The following RBM19 variants were observed in gnomAD, a reference collection of about 807,000 sequenced individuals.
The protein encoded by RBM19 is probable RNA-binding protein 19.
Under a neutral mutation model 116.8 loss-of-function variants are expected in RBM19, and 94 were observed. The observed-to-expected ratio is 0.80, with a 90% CI of 0.68 to 0.95. RBM19 has a LOEUF of 0.95. Among genes scored for constraint, RBM19 ranks in the 40% least tolerant of loss-of-function variants. The pLI is 0.00. For missense variants in RBM19, 1,161 were observed against 1,220.7 expected, an observed-to-expected ratio of 0.95 and a Z score of 0.73; for synonymous variants, 475 against 494.1, an observed-to-expected ratio of 0.96 and a Z score of 0.51.
Position 113,884,112 on chromosome 12 carries a change from C to CAAAAAAAAAAA in RBM19, c.2559-25227_2559-25217dup, listed in dbSNP as rs1273858250. ...CAACATAGGGATACTCCATCTCTACCAAAAAAAAAAAAAAACAAAAAACTC... is the reference window on the plus strand; with the variant it reads ...CAACATAGGGATACTCCATCTCTACCAAAAAAAAAAAAAAAAAAAAAAAAAACAAAAAACTC... On this transcript the variant is annotated intron_variant, in intron 21 of 23. Coordinates refer to ENST00000261741, the MANE Select transcript of RBM19 (RefSeq NM_016196.4). Among the ~76,000 whole-genome samples the CAAAAAAAAAAA allele has an allele frequency of 5.5e-3, 395 of 71,790 alleles. 5 individuals are homozygous for CAAAAAAAAAAA. The highest frequency in any genetic ancestry group is 0.026 in the East Asian group (64 of 2,452). The allele number at this position is 71,790 out of a possible 152,430, so 47.1% of individuals were successfully genotyped here.
chr12:113,906,418 T>C (rs183727785), intron 21 of RBM19, among the ~76,000 whole-genome samples: 1 of 152,232 alleles, frequency 6.6e-6, no homozygotes, highest in Non-Finnish European at 1.5e-5. Flanking sequence ...AACACTAATA[T>C]ATGTTTTTCG....
At chr12:113,961,286 A>C (rs996818537) in intron 2 of RBM19, among the ~76,000 whole-genome samples, 1 of 152,114 alleles carries the variant, frequency 6.6e-6, no homozygotes, top group Non-Finnish European at 1.5e-5. Flanking sequence ...TCAGCCTCCC[A>C]AAGTGCTTGT....
At chr12:113,869,548 C>T (rs993082850) in intron 21 of RBM19, among the ~76,000 whole-genome samples, 1 of 152,202 alleles carries the variant, frequency 6.6e-6, no homozygotes, top group Non-Finnish European at 1.5e-5. Flanking sequence ...TCAGCTGCCT[C>T]AAGTACAGCT....
Position 113,886,459 on chromosome 12 carries a change from A to G in RBM19, c.2559-27563T>C, listed in dbSNP as rs529746214. Among the ~76,000 whole-genome samples the G allele has an allele frequency of 6.5e-4, 99 of 152,248 alleles. No individual in the cohort carries two copies. The Middle Eastern group carries it at 0.014, about 21-fold the overall frequency. On this transcript the variant is annotated intron_variant, in intron 21 of 23. Transcript: ENST00000261741. ...GCTTTGCCATTTTAACCAGTGACAG[A>G]CCCAGGCCCGTTAAGATAGATGCAG...
chr12:113,886,079 G>A (rs1880495528), intron 21 of RBM19, among the ~76,000 whole-genome samples: 1 of 151,790 alleles, frequency 6.6e-6, no homozygotes, highest in Admixed American at 6.6e-5. Context: ...CACCATGTTA[G>A]CCAGGATGGT....
downstream of RBM19, among the ~76,000 whole-genome samples, chr12:113,819,047 T>C (rs967489313): frequency 6.6e-6 from 1 of 152,234 alleles, no homozygotes; most frequent in African/African-American, 2.4e-5. Flanking sequence ...TAGTGCCCAC[T>C]GCTGGCCAAA....
intron 21 of RBM19, among the ~76,000 whole-genome samples, chr12:113,897,677 A>C (rs963509154): frequency 6.6e-5 from 10 of 151,964 alleles, no homozygotes; most frequent in Admixed American, 2.0e-4. Flanking sequence ...AATCTGATAG[A>C]CTCTCAGGGC....
At chr12:113,966,025 G>C (rs1872838289) in intron 1 of RBM19, 167 bp downstream of exon 1, 1 of 717,352 alleles carries the variant, frequency 1.4e-6, no homozygotes, top group Non-Finnish European at 2.3e-6. Flanking sequence ...TCTTTCCTCG[G>C]GATCAAATGG....
intron 17 of RBM19, among the ~76,000 whole-genome samples, chr12:113,925,571 C>T (rs780462241): frequency 2.6e-5 from 4 of 152,212 alleles, no homozygotes; most frequent in Non-Finnish European, 5.9e-5. Flanking sequence ...GATCGCTACG[C>T]ATGGCTCTCC....
At chr12:113,902,466 G>A (rs1881757578) in intron 21 of RBM19, among the ~76,000 whole-genome samples, 1 of 152,114 alleles carries the variant, frequency 6.6e-6, no homozygotes, top group South Asian at 2.1e-4. Context: ...GGGCGTGGAA[G>A]TGCATGCCTG....
chr12:113,830,070 C>G (rs1565960151), intron 23 of RBM19, among the ~76,000 whole-genome samples: 3 of 152,196 alleles, frequency 2.0e-5, no homozygotes, highest in Admixed American at 1.3e-4. Context: ...GTCACACTTT[C>G]CAAGCAGGAC....
chr12:113,885,031 A>G (rs1220087934), intron 21 of RBM19, among the ~76,000 whole-genome samples: 1 of 152,218 alleles, frequency 6.6e-6, no homozygotes, highest in African/African-American at 2.4e-5. Context: ...GAATTACACA[A>G]TCATCAGTTG....
At chr12:113,934,538 G>A (rs974700835) in intron 16 of RBM19, among the ~76,000 whole-genome samples, 1 of 152,224 alleles carries the variant, frequency 6.6e-6, no homozygotes, top group Non-Finnish European at 1.5e-5. Context: ...AGCCACTGGG[G>A]CACGTTCATG....
intron 21 of RBM19, among the ~76,000 whole-genome samples, chr12:113,868,652 C>G (rs1458243104): frequency 6.6e-6 from 1 of 152,176 alleles, no homozygotes; most frequent in African/African-American, 2.4e-5. Context: ...TAGCATCTCT[C>G]AGGACACTGG....
At chr12:113,838,526 C>T (rs1160509515) in intron 23 of RBM19, among the ~76,000 whole-genome samples, 5 of 152,202 alleles carry the variant, frequency 3.3e-5, no homozygotes, top group African/African-American at 1.2e-4. Flanking sequence ...ACACAAACTG[C>T]ACACAGACAG....
intron 21 of RBM19, among the ~76,000 whole-genome samples, chr12:113,870,355 A>T (rs1161290772): frequency 2.6e-5 from 4 of 152,176 alleles, no homozygotes; most frequent in Non-Finnish European, 5.9e-5. Context: ...TCCTACAGAC[A>T]CTGAAAGGGC....
chr12:113,871,164 C>A (rs1266712948), intron 21 of RBM19, among the ~76,000 whole-genome samples: 2 of 152,222 alleles, frequency 1.3e-5, no homozygotes, highest in East Asian at 1.9e-4. Context: ...ACGCACTCCT[C>A]AAGACTCCAG....
chr12:113,961,544 G>A (rs996877953), intron 2 of RBM19, among the ~76,000 whole-genome samples: 2 of 152,152 alleles, frequency 1.3e-5, no homozygotes, highest in Non-Finnish European at 2.9e-5. Flanking sequence ...ATGGATAGAG[G>A]AATACGATTG....
rs1210256474 is a variant in RBM19 at position 113,934,475 on chromosome 12, TA to T, written c.2068+2531del. On this transcript the variant is annotated intron_variant, in intron 16 of 23. Coordinates refer to ENST00000261741, the MANE Select transcript of RBM19 (RefSeq NM_016196.4). Reference sequence around the variant, plus strand: ...ACTTAGAACCATGCCTAGCATGGCATAACTGCTGCTTTTGCTCTTGGGTTCA... The same window carrying T: ...ACTTAGAACCATGCCTAGCATGGCATACTGCTGCTTTTGCTCTTGGGTTCA... Among the ~76,000 whole-genome samples, 6 of 152,340 alleles carry T rather than the reference TA, an allele frequency of 3.9e-5. 1 individual carries two copies. In the East Asian group the frequency reaches 1.2e-3, roughly 29 times the overall value.
Sources: gnomAD v4.1 joint callset for allele counts (sites outside exome capture counted in the v4.1 genomes callset) on GRCh38, gnomAD v4.1.1 for gene constraint, MANE v1.5 for transcripts, NCBI Gene and HGNC (gene_info 2026-07-23, HGNC 2026-07-21) for gene names.